RFC3: variants seen among roughly 807,000 people sequenced by gnomAD.
RFC3 encodes A1 38 kDa subunit.
A neutral mutation model predicts 45.1 loss-of-function variants in RFC3; 41 were observed. The observed-to-expected ratio is 0.91, with a 90% CI of 0.71 to 1.18. The LOEUF (loss-of-function observed/expected upper bound fraction) is 1.18. Among genes scored for constraint, RFC3 ranks in the 50% most tolerant of loss-of-function variants. RFC3 has a pLI of 0.00. For synonymous variants in RFC3, 149 were observed against 144.0 expected (o/e 1.03, Z -0.25); for missense variants, 423 against 428.1 (o/e 0.99, Z 0.10).
intron 8 of RFC3, among the ~76,000 whole-genome samples, chr13:33,856,482 TAAAATA>T (rs1593642044): frequency 6.6e-6 from 1 of 151,988 alleles, no homozygotes; most frequent in East Asian, 1.9e-4. Flanking sequence ...TACCTGAACT[TAAAATA>T]AAAGTTAAAA....
At chr13:33,838,210 T>A (rs1327024323), downstream of RFC3, among the ~76,000 whole-genome samples, 1 of 152,128 alleles carries the variant, frequency 6.6e-6, no homozygotes, top group Non-Finnish European at 1.5e-5. Flanking sequence ...TGCTTCTCTG[T>A]CTTTTGGCTA....
At chr13:33,960,900 C>G (rs4943170) in intron 8 of RFC3, among the ~76,000 whole-genome samples, 141,178 of 152,190 alleles carry the variant, frequency 0.93, 66,379 homozygotes, top group East Asian at 1. Context: ...CTGATCCCCC[C>G]CTCTTGTTCT....
intron 8 of RFC3, among the ~76,000 whole-genome samples, chr13:33,910,033 A>G (rs1032178596): frequency 1.3e-5 from 2 of 152,088 alleles, no homozygotes; most frequent in Non-Finnish European, 2.9e-5. Flanking sequence ...CAAGTTTTGT[A>G]TTATCTCAAT....
chr13:33,860,926 A>G (rs2082337176), intron 8 of RFC3, among the ~76,000 whole-genome samples: 1 of 150,618 alleles, frequency 6.6e-6, no homozygotes, highest in African/African-American at 2.4e-5. Flanking sequence ...TTTTTTTACC[A>G]GGTCTTGCTC....
Position 33,830,871 on chromosome 13 carries a change from A to G in RFC3, c.710+16A>G, listed in dbSNP as rs1319599204. 2 of 1,604,860 alleles carry G rather than the reference A, an allele frequency of 1.2e-6. No individual in the cohort carries two copies. The highest frequency in any genetic ancestry group is 2.7e-5 in the African/African-American group (2 of 74,396). ...GAGTGCAACAGTGAGTGGAAGGGGT[A>G]GTTACATTCTAGGACTTTGGCCCCC... On this transcript the variant is annotated intron_variant, in intron 6 of 8. Transcript: ENST00000380071.
Position 33,818,175 on chromosome 13 carries a change from T to C in RFC3, c.-4T>C, listed in dbSNP as rs777501925. On this transcript the variant is annotated 5_prime_UTR_variant, in exon 1 of 9. Transcript: ENST00000380071. ...AGCGTAGGCCCCCGGGAACTCGAGC[T>C]GCCATGAGCCTCTGGGTGGACAAGT... 6.2e-7 allele frequency: 1 copy of C among 1,611,228 alleles called. No homozygotes were observed. The highest frequency in any genetic ancestry group is 1.1e-5 in the South Asian group (1 of 90,810).
chr13:33,947,035 C>T (rs2082958660), intron 8 of RFC3, among the ~76,000 whole-genome samples: 1 of 152,126 alleles, frequency 6.6e-6, no homozygotes, highest in Admixed American at 6.6e-5. Context: ...TGTCTTAAAC[C>T]ACATTTAGTA....
chr13:33,844,521 C>T (rs944079889), intron 8 of RFC3, among the ~76,000 whole-genome samples: 1 of 151,910 alleles, frequency 6.6e-6, no homozygotes, highest in African/African-American at 2.4e-5. Context: ...GTTTCAATAT[C>T]TTGCTTTTTC....
chr13:33,850,806 A>C (rs2137503331), intron 8 of RFC3: 1 of 152,332 alleles, frequency 6.6e-6, no homozygotes. Flanking sequence ...TGATAATTTT[A>C]ATAAAGGATT....
At chr13:33,894,508 G>A (rs1270324655) in intron 8 of RFC3, among the ~76,000 whole-genome samples, 1 of 152,134 alleles carries the variant, frequency 6.6e-6, no homozygotes, top group Non-Finnish European at 1.5e-5. Context: ...CCCTTGGCCA[G>A]AACTGAGGGG....
intron 8 of RFC3, among the ~76,000 whole-genome samples, chr13:33,930,769 T>C (rs952331180): frequency 2.6e-5 from 4 of 152,122 alleles, no homozygotes; most frequent in African/African-American, 9.7e-5. Context: ...ATTATATGTA[T>C]CGATGTAACG....
chr13:33,866,383 A>G (rs540819500), intron 8 of RFC3, among the ~76,000 whole-genome samples: 1 of 152,344 alleles, frequency 6.6e-6, no homozygotes, highest in South Asian at 2.1e-4. Flanking sequence ...GCTTACCTTC[A>G]TGGTCAGCTG....
chr13:33,891,649 A>G lies in RFC3; in HGVS notation c.879+56432A>G, dbSNP rs183785766. ...GATTATCTGCATATTACACCCATCA[A>G]TGAACAACAACAAAAAAAGTGACCT... On this transcript the variant is annotated intron_variant, in intron 8 of 8. Coordinates refer to the RFC3 transcript ENST00000434425. Among the ~76,000 whole-genome samples the G allele has an allele frequency of 3.4e-3, 517 of 152,300 alleles. 4 individuals carry two copies. The highest frequency in any genetic ancestry group is 0.012 in the African/African-American group (489 of 41,572).
At chr13:33,971,965 A>G in the RFC3 span, among the ~76,000 whole-genome samples, 1 of 140,478 alleles carries the variant, frequency 7.1e-6, no homozygotes, top group Admixed American at 7.2e-5. Flanking sequence ...TACAAAAAAA[A>G]TTAGCTGGGC....
intron 8 of RFC3, among the ~76,000 whole-genome samples, chr13:33,876,598 A>G (rs939385187): frequency 6.6e-6 from 1 of 152,220 alleles, no homozygotes; most frequent in Non-Finnish European, 1.5e-5. Context: ...AATTAATATA[A>G]TCACTTAGAC....
intron 8 of RFC3, among the ~76,000 whole-genome samples, chr13:33,874,719 A>T (rs2082434855): frequency 6.6e-6 from 1 of 152,264 alleles, no homozygotes; most frequent in African/African-American, 2.4e-5. Flanking sequence ...GATTCAGGCC[A>T]TGAGGAAATA....
rs181461851 is a variant in RFC3, at chr13:33,922,073, G to A, written c.880-44014G>A. Among the ~76,000 whole-genome samples the A allele has an allele frequency of 2.0e-5, 3 of 151,436 alleles. No homozygotes were observed. The East Asian group carries it at 5.9e-4, about 30-fold the overall frequency. On this transcript the variant is annotated intron_variant, in intron 8 of 8. Coordinates refer to the RFC3 transcript ENST00000434425. The stretch of plus-strand genomic sequence containing the variant: ...GGAGTGAAAATGACACTTATTACCT[G>A]TTTAAAGTGGTGCCTGGCATCATCC...
Position 33,836,994 on chromosome 13 carries a change from A to G in RFC3, c.*699A>G, listed in dbSNP as rs1270266274. 2 of 984,652 alleles carry G rather than the reference A, an allele frequency of 2.0e-6. No homozygotes were observed. Among genetic ancestry groups the G allele is most frequent in the Non-Finnish European group, 2.4e-6 (2 of 829,378 alleles). 61.0% of individuals were successfully genotyped at this position (984,652 alleles called of 1,614,324 possible). On this transcript the variant is annotated 3_prime_UTR_variant, in exon 9 of 9. Transcript: ENST00000380071. The stretch of plus-strand genomic sequence containing the variant: ...CTTTGAACAGGTTTTGTGTTTTGTC[A>G]TTAGCTCTGCCCTTTTTAATTAAAT...
chr13:33,974,813 AAAC>A, the RFC3 span, among the ~76,000 whole-genome samples: 10 of 152,230 alleles, frequency 6.6e-5, no homozygotes, highest in Admixed American at 6.5e-5. Flanking sequence ...TTTCAAATTA[AAAC>A]AACGAGATAT....
Sources: allele counts gnomAD v4.1 joint callset (sites outside exome capture counted in the v4.1 genomes callset), GRCh38; gene constraint gnomAD v4.1.1; transcripts MANE v1.5; gene names NCBI Gene and HGNC (gene_info 2026-07-23, HGNC 2026-07-21).